FHIT: variants seen among roughly 807,000 people sequenced by gnomAD.
The protein encoded by FHIT is fragile histidine triad diadenosine triphosphatase, also known as bis(5'-adenosyl)-triphosphatase.
Under a neutral mutation model 17.9 loss-of-function variants are expected in FHIT, and 19 were observed. The observed-to-expected ratio is 1.06, with a 90% confidence interval of 0.74 to 1.56. FHIT has a LOEUF of 1.56. Among genes scored for constraint, FHIT ranks in the 40% most tolerant of loss-of-function variants. FHIT has a pLI of 0.00. For synonymous variants in FHIT, 81 were observed against 69.7 expected, an observed-to-expected ratio of 1.16 and a Z score of -0.81; for missense variants, 248 against 189.2, an observed-to-expected ratio of 1.31 and a Z score of -1.82.
intron 2 of FHIT, among the ~76,000 whole-genome samples, chr3:61,056,811 A>G (rs1444225772): frequency 6.6e-6 from 1 of 152,238 alleles, no homozygotes; most frequent in Non-Finnish European, 1.5e-5. Context: ...TGTATTCTGC[A>G]TCAGCTACAT....
At chr3:61,055,532 C>T (rs2034187121) in intron 2 of FHIT, among the ~76,000 whole-genome samples, 1 of 152,196 alleles carries the variant, frequency 6.6e-6, no homozygotes, top group Admixed American at 6.5e-5. Flanking sequence ...CGTGCTAGCC[C>T]CTCTGCAAGA....
At chr3:61,207,973 T>C (rs7432943) in intron 1 of FHIT, among the ~76,000 whole-genome samples, 65,800 of 151,942 alleles carry the variant, frequency 0.43, 14,653 homozygotes, top group East Asian at 0.58. Context: ...TTTCCCTCTA[T>C]ACACTGCTTT....
intron 4 of FHIT, among the ~76,000 whole-genome samples, chr3:60,735,357 G>A (rs1553712334): frequency 6.6e-6 from 1 of 152,202 alleles, no homozygotes; most frequent in Admixed American, 6.5e-5. Flanking sequence ...TCCAGATGGT[G>A]TAGATGGAGC....
Position 60,973,336 on chromosome 3 carries a change from C to T in FHIT, c.-111+68711G>A, listed in dbSNP as rs142743294. Among the ~76,000 whole-genome samples the T allele has an allele frequency of 4.2e-3, 643 of 152,226 alleles. 2 individuals carry two copies. The highest frequency in any genetic ancestry group is 0.014 in the African/African-American group (602 of 41,536). ...CCATGGTCCTACTTCTTTGAAAGCC[C>T]TGAACTCTGTGAGACACTGAGACTG... On this transcript the variant is annotated intron_variant, in intron 3 of 9. Transcript: ENST00000492590.
At chr3:60,459,056 A>C (rs766485403) in intron 5 of FHIT, among the ~76,000 whole-genome samples, 1 of 152,128 alleles carries the variant, frequency 6.6e-6, no homozygotes, top group African/African-American at 2.4e-5. Flanking sequence ...TGCTGGGATT[A>C]CAAGCATGAG....
chr3:60,727,812 G>C (rs1402129100), intron 4 of FHIT, among the ~76,000 whole-genome samples: 1 of 152,238 alleles, frequency 6.6e-6, no homozygotes, highest in African/African-American at 2.4e-5. Context: ...GACCATCCTG[G>C]CTAACATGGT....
chr3:60,680,170 G>C (rs904592167), intron 4 of FHIT, among the ~76,000 whole-genome samples: 1 of 152,164 alleles, frequency 6.6e-6, no homozygotes, highest in Non-Finnish European at 1.5e-5. Context: ...CTCTGTGAAT[G>C]ATAATCTTCA....
chr3:60,466,025 A>C (rs923390326), intron 5 of FHIT, among the ~76,000 whole-genome samples: 1 of 152,064 alleles, frequency 6.6e-6, no homozygotes, highest in African/African-American at 2.4e-5. Context: ...TGAACATGGA[A>C]TATCTTTCCA....
At chr3:60,360,786 C>T (rs967905108) in intron 5 of FHIT, among the ~76,000 whole-genome samples, 1 of 152,148 alleles carries the variant, frequency 6.6e-6, no homozygotes, top group African/African-American at 2.4e-5. Context: ...ATCGAGCCAC[C>T]ATGTCTCCAC....
intron 4 of FHIT, among the ~76,000 whole-genome samples, chr3:60,764,449 A>T (rs911893341): frequency 6.6e-6 from 1 of 151,752 alleles, no homozygotes; most frequent in Non-Finnish European, 1.5e-5. Flanking sequence ...CTGCATTAAC[A>T]ATGGAACAGT....
chr3:60,461,340 C>G (rs521599), intron 5 of FHIT, among the ~76,000 whole-genome samples: 22,608 of 152,102 alleles, frequency 0.15, 3,203 homozygotes, highest in African/African-American at 0.37. Flanking sequence ...TTAAACAAAT[C>G]TGCCTCTTGG....
chr3:60,868,647 G>C (rs1704267764), intron 3 of FHIT, among the ~76,000 whole-genome samples: 2 of 152,252 alleles, frequency 1.3e-5, no homozygotes, highest in South Asian at 2.1e-4. Context: ...ATTTCTGAAT[G>C]AGTAGTAAAT....
intron 2 of FHIT, among the ~76,000 whole-genome samples, chr3:61,152,535 T>C (rs1386403509): frequency 6.6e-6 from 1 of 152,158 alleles, no homozygotes; most frequent in African/African-American, 2.4e-5. Context: ...ATGAATATGG[T>C]AAATACATGG....
At chr3:60,305,068 C>T (rs1054090330) in intron 5 of FHIT, among the ~76,000 whole-genome samples, 3 of 152,078 alleles carry the variant, frequency 2.0e-5, no homozygotes, top group Admixed American at 6.6e-5. Context: ...GTCTGTAAGC[C>T]ATTCACTTTG....
At chr3:60,211,259 C>T (rs982260169) in intron 5 of FHIT, among the ~76,000 whole-genome samples, 1 of 151,716 alleles carries the variant, frequency 6.6e-6, no homozygotes. Context: ...TATATACATA[C>T]ATGTATGTAT....
At position 59,769,085 on chromosome 3, in the gene FHIT, G is replaced by T. The variant is rs373067415; in HGVS notation, c.349-16764C>A. On this transcript the variant is annotated intron_variant, in intron 8 of 9. Coordinates refer to ENST00000492590, the MANE Select transcript of FHIT (RefSeq NM_002012.4). The stretch of plus-strand genomic sequence containing the variant: ...CTGCCAGCAGAAGGGCAAATAAAAG[G>T]TATGTCTGTGCCTGCACACAGAGGT... 7.2e-4 allele frequency among the ~76,000 whole-genome samples: 109 copies of T among 152,260 alleles called. 1 individual carries two copies. The South Asian group carries it at 0.021, about 30-fold the overall frequency.
chr3:60,623,443 AG>A (rs554087185), intron 4 of FHIT, among the ~76,000 whole-genome samples: 151 of 152,344 alleles, frequency 9.9e-4, no homozygotes, highest in Non-Finnish European at 1.9e-3. Context: ...AATAAATGAT[AG>A]GACAAGGATT....
intron 5 of FHIT, among the ~76,000 whole-genome samples, chr3:60,166,655 T>C (rs1701188735): frequency 6.6e-6 from 1 of 152,178 alleles, no homozygotes; most frequent in Non-Finnish European, 1.5e-5. Context: ...TTGGACCCTA[T>C]GACCTTCACA....
intron 5 of FHIT, among the ~76,000 whole-genome samples, chr3:60,295,086 A>G (rs77676181): frequency 0.012 from 1,796 of 152,116 alleles, 36 homozygotes; most frequent in African/African-American, 0.04. Flanking sequence ...TTGTGTCGCT[A>G]TAAAGGAATA....
Sources: gnomAD v4.1 joint callset for allele counts (sites outside exome capture counted in the v4.1 genomes callset) on GRCh38, gnomAD v4.1.1 for gene constraint, MANE v1.5 for transcripts, NCBI Gene and HGNC (gene_info 2026-07-23, HGNC 2026-07-21) for gene names.